DOCK9: variants seen among roughly 807,000 people sequenced by gnomAD.
The protein encoded by DOCK9 is dedicator of cytokinesis 9, also known as dedicator of cytokinesis protein 9.
DOCK9 carries 89 observed loss-of-function variants against 263.3 expected under a neutral mutation model. The ratio of observed to expected loss-of-function variants is 0.34; its 90% CI spans 0.28 to 0.40. The LOEUF (loss-of-function observed/expected upper bound fraction) is 0.40. DOCK9 is among the 10% of genes least tolerant of loss of function. The pLI is 1.00. For missense variants in DOCK9, 2,140 were observed against 2,603.4 expected (o/e 0.82, Z 3.87); for synonymous variants, 976 against 973.1 (o/e 1.00, Z -0.06).
intron 3 of DOCK9, among the ~76,000 whole-genome samples, chr13:98,926,738 T>C (rs2053033448): frequency 6.6e-6 from 1 of 152,252 alleles, no homozygotes. Flanking sequence ...CAAATGATCT[T>C]CTGTCCAGTC....
rs759985580 is a variant in DOCK9 at position 98,922,075 on chromosome 13, G to A, written c.558C>T (p.Asn186=). ...KHGWLYKGNM[N]SAISVTMRSF... Reference sequence around the variant, plus strand: ...CCCTCATGGTCACGCTGATGGCACTGTTCATGTTGCCTTTGTACAGCCAGC... The same window carrying A: ...CCCTCATGGTCACGCTGATGGCACTATTCATGTTGCCTTTGTACAGCCAGC... The change falls in exon 6 of 53, where the codon AAC becomes AAT. Residue 186 remains asparagine, a synonymous_variant. Transcript: ENST00000682017. 4.4e-6 allele frequency: 7 copies of A among 1,600,354 alleles called. No individual in the cohort carries two copies. In the African/African-American group the frequency reaches 8.0e-5, roughly 18 times the overall value.
chr13:99,086,492 C>A, exon 1 of DOCK9: 1 of 464,274 alleles, frequency 2.2e-6, no homozygotes, highest in South Asian at 8.5e-5. Context: ...CGCTGCTCGC[C>A]GCGAGTCCGG....
At chr13:98,876,014 T>C (rs2043784249) in intron 27 of DOCK9, among the ~76,000 whole-genome samples, 1 of 152,002 alleles carries the variant, frequency 6.6e-6, no homozygotes, top group Non-Finnish European at 1.5e-5. Context: ...ATGGACTCAC[T>C]CGACTACCAC....
At chr13:98,955,104 G>A (rs1427773458) in intron 2 of DOCK9, among the ~76,000 whole-genome samples, 1 of 152,116 alleles carries the variant, frequency 6.6e-6, no homozygotes, top group Non-Finnish European at 1.5e-5. Context: ...GATCACTTAA[G>A]GCCAGGAGTT....
chr13:99,070,432 A>C (rs2041619004), intron 1 of DOCK9, among the ~76,000 whole-genome samples: 1 of 152,214 alleles, frequency 6.6e-6, no homozygotes, highest in South Asian at 2.1e-4. Flanking sequence ...AATTGTGACC[A>C]CACGCATTTC....
chr13:98,957,632 T>TA (rs2058203358), intron 1 of DOCK9, among the ~76,000 whole-genome samples: 1 of 150,780 alleles, frequency 6.6e-6, no homozygotes, highest in African/African-American at 2.4e-5. Flanking sequence ...AATATTTTAA[T>TA]TAAAAAAAAA....
At chr13:98,815,221 A>C (rs1288502181) in intron 45 of DOCK9, among the ~76,000 whole-genome samples, 1 of 152,090 alleles carries the variant, frequency 6.6e-6, no homozygotes, top group Non-Finnish European at 1.5e-5. Flanking sequence ...ATACACTGCC[A>C]GTGTGTATTT....
intron 1 of DOCK9, among the ~76,000 whole-genome samples, chr13:99,023,470 C>T (rs954251642): frequency 1.3e-5 from 2 of 152,138 alleles, no homozygotes; most frequent in Admixed American, 6.5e-5. Context: ...TTGCCAGGTG[C>T]TGGGAGAAGG....
intron 13 of DOCK9, among the ~76,000 whole-genome samples, chr13:98,899,002 CAA>C (rs2047851994): frequency 6.6e-6 from 1 of 150,926 alleles, no homozygotes; most frequent in South Asian, 2.1e-4. Context: ...GTCATCAATG[CAA>C]AGTTTGATTG....
intron 22 of DOCK9, 49 bp from the exon 23 acceptor site, chr13:98,883,180 G>A (rs73556967): frequency 1.1e-4 from 166 of 1,452,656 alleles, no homozygotes; most frequent in Middle Eastern, 1.8e-4. Flanking sequence ...TAGAATACAC[G>A]CTGTGGAAAT....
At chr13:98,885,385 C>T (rs2045527554) in intron 20 of DOCK9, 3 of 529,424 alleles carry the variant, frequency 5.7e-6, no homozygotes, top group African/African-American at 3.8e-5. Flanking sequence ...GGGCAGACTG[C>T]TTGAGCTCAC....
intron 1 of DOCK9, among the ~76,000 whole-genome samples, chr13:98,983,143 A>C (rs1877612827): frequency 6.6e-6 from 1 of 152,224 alleles, no homozygotes; most frequent in East Asian, 1.9e-4. Flanking sequence ...ATACACACAC[A>C]TATGTACACC....
chr13:98,914,381 T>C lies in DOCK9; in HGVS notation c.907A>G (p.Lys303Glu). The C allele has an allele frequency of 6.2e-7, 1 of 1,609,046 alleles. No homozygotes were observed. Among genetic ancestry groups the C allele is most frequent in the Non-Finnish European group, 8.5e-7 (1 of 1,177,852 alleles). The change falls in exon 9 of 53, where the codon AAA (lysine) becomes GAA (glutamate). Residue 303 changes from lysine (K) to glutamate (E), a missense_variant. This residue lies in a region of DOCK9 where 1,521 missense variants were observed against 1,741.7 expected (regional missense o/e 0.87). Transcript: ENST00000682017. ...GDSHEDDEQS[K>E]LEGSGSGLDS... ...AAACCGGAACCAGAACCTTCCAATT[T>C]GCTTTGTTCATCATCTAAAATGGCA...
intron 52 of DOCK9, among the ~76,000 whole-genome samples, chr13:98,796,018 C>G (rs1361033859): frequency 2.6e-5 from 4 of 152,138 alleles, no homozygotes; most frequent in Admixed American, 6.5e-5. Flanking sequence ...CTTGGCCTCC[C>G]AAAGTGCTGG....
rs145463392 is a variant in DOCK9 at position 98,873,573 on chromosome 13, T to C, written c.2944-5196A>G. On this transcript the variant is annotated intron_variant, in intron 27 of 52. Transcript: ENST00000682017. ...GCCAATGCGATAGCAGTGGTAGTGA[T>C]GTGGCAGTGCAACTTCTGGGTCATA... Among the ~76,000 whole-genome samples, 97 of 152,330 alleles carry C rather than the reference T, an allele frequency of 6.4e-4. 1 individual carries two copies. The highest frequency in any genetic ancestry group is 2.1e-3 in the African/African-American group (89 of 41,582).
intron 3 of DOCK9, among the ~76,000 whole-genome samples, chr13:98,928,036 A>G (rs1450673424): frequency 6.6e-6 from 1 of 151,306 alleles, no homozygotes; most frequent in Non-Finnish European, 1.5e-5. Flanking sequence ...AAAACTCCAC[A>G]GTGAACCTGG....
At chr13:98,872,840 G>T (rs1196593084) in intron 27 of DOCK9, among the ~76,000 whole-genome samples, 1 of 152,130 alleles carries the variant, frequency 6.6e-6, no homozygotes, top group South Asian at 2.1e-4. Flanking sequence ...TCAGTTGCAG[G>T]GAACATAATT....
intron 1 of DOCK9, among the ~76,000 whole-genome samples, chr13:99,045,180 C>T (rs1018712465): frequency 1.3e-5 from 2 of 152,186 alleles, no homozygotes; most frequent in African/African-American, 4.8e-5. Flanking sequence ...AAAATGAAAT[C>T]GCTGTGTCAA....
Position 98,949,246 on chromosome 13 carries a change from C to T in DOCK9, c.243+6189G>A, listed in dbSNP as rs2057105153. 1.3e-5 allele frequency among the ~76,000 whole-genome samples: 2 copies of T among 152,036 alleles called. 1 individual carries two copies. Among genetic ancestry groups the T allele is most frequent in the Non-Finnish European group, 2.9e-5 (2 of 67,968 alleles). On this transcript the variant is annotated intron_variant, in intron 2 of 52. Coordinates refer to ENST00000682017, the MANE Select transcript of DOCK9 (RefSeq NM_001366683.2). ...CGCCACCATGCCCGGCTAATTTTTT[C>T]TTTTTTTCCAGAGACAACTGAGTAT... is the stretch of plus-strand genomic sequence containing the variant.
Sources: gnomAD v4.1 joint callset for allele counts (sites outside exome capture counted in the v4.1 genomes callset) on GRCh38, gnomAD v4.1.1 for gene constraint, gnomAD v4.1.1 regional missense constraint, MANE v1.5 for transcripts, NCBI Gene and HGNC (gene_info 2026-07-23, HGNC 2026-07-21) for gene names.